FSTL4: variants seen among roughly 807,000 people sequenced by gnomAD.
FSTL4 encodes follistatin-related protein 4.
Under a neutral mutation model 78.2 loss-of-function variants are expected in FSTL4, and 28 were observed. The observed-to-expected ratio is 0.36, with a 90% CI of 0.27 to 0.49. FSTL4 has a LOEUF of 0.49. FSTL4 is among the 20% of genes least tolerant of loss of function. FSTL4 has a pLI of 0.98. For synonymous variants in FSTL4, 422 were observed against 440.5 expected (o/e 0.96, Z 0.53); for missense variants, 922 against 1,084.9 (o/e 0.85, Z 2.11).
At chr5:133,282,021 T>A (rs1440934254) in intron 6 of FSTL4, among the ~76,000 whole-genome samples, 1 of 152,154 alleles carries the variant, frequency 6.6e-6, no homozygotes, top group Non-Finnish European at 1.5e-5. Context: ...CATGAATTCA[T>A]AGAGCACTCA....
intron 4 of FSTL4, among the ~76,000 whole-genome samples, chr5:133,318,470 T>C (rs940570429): frequency 1.4e-4 from 21 of 152,298 alleles, no homozygotes; most frequent in Admixed American, 1.3e-3. Context: ...AATTTTGTCC[T>C]GGCAAATAGA....
At chr5:133,812,891 G>C in the FSTL4 span, among the ~76,000 whole-genome samples, 1 of 152,188 alleles carries the variant, frequency 6.6e-6, no homozygotes, top group Non-Finnish European at 1.5e-5. Context: ...CTATGACCTG[G>C]GGGCTCGGCT....
chr5:133,819,563 C>A, the FSTL4 span, among the ~76,000 whole-genome samples: 1 of 152,170 alleles, frequency 6.6e-6, no homozygotes, highest in South Asian at 2.1e-4. Context: ...TTTGTGTGCT[C>A]TTCACTTGCT....
intron 12 of FSTL4, among the ~76,000 whole-genome samples, chr5:133,218,039 A>G (rs113038635): frequency 6.6e-5 from 10 of 152,292 alleles, no homozygotes; most frequent in African/African-American, 2.4e-4. Context: ...CCTTTAGCCC[A>G]GGCCTCTTCC....
chr5:133,292,526 A>G (rs142587605), intron 6 of FSTL4, among the ~76,000 whole-genome samples: 165 of 151,090 alleles, frequency 1.1e-3, no homozygotes, highest in African/African-American at 3.9e-3. Flanking sequence ...CAGTGGTGCC[A>G]CAGCTAGGCC....
chr5:133,344,786 T>C (rs1232174544), intron 4 of FSTL4, among the ~76,000 whole-genome samples: 2 of 152,220 alleles, frequency 1.3e-5, no homozygotes, highest in East Asian at 1.9e-4. Flanking sequence ...ACCTTCTGAC[T>C]TTCTGTTCTA....
At chr5:133,485,555 C>T (rs1193956231) in intron 3 of FSTL4, among the ~76,000 whole-genome samples, 2 of 152,188 alleles carry the variant, frequency 1.3e-5, no homozygotes, top group African/African-American at 4.8e-5. Flanking sequence ...TCCTTTAAAC[C>T]CACTTTAAGA....
the FSTL4 span, among the ~76,000 whole-genome samples, chr5:133,728,651 C>T: frequency 6.6e-5 from 10 of 151,946 alleles, no homozygotes; most frequent in African/African-American, 1.9e-4. Flanking sequence ...TATGATAGTC[C>T]TCAATGTGGT....
At chr5:133,746,494 G>C in the FSTL4 span, among the ~76,000 whole-genome samples, 2 of 152,120 alleles carry the variant, frequency 1.3e-5, no homozygotes, top group Non-Finnish European at 2.9e-5. Flanking sequence ...ATCTGGAAAA[G>C]TGCTTTCCAG....
In FSTL4 at chr5:133,209,005, A is replaced by G. The variant is rs535119523; in HGVS notation, c.1716+1186T>C. ...ATCTATTGCAGTTTTAAACTGGGAA[A>G]TCTTTTTTGTTCTTTTTCTAGTGGC... On this transcript the variant is annotated intron_variant, in intron 14 of 15. Transcript: ENST00000265342. 3.6e-4 allele frequency among the ~76,000 whole-genome samples: 55 copies of G among 152,254 alleles called. 1 individual carries two copies. In the South Asian group the frequency reaches 0.011, roughly 30 times the overall value.
the FSTL4 span, among the ~76,000 whole-genome samples, chr5:133,826,068 G>A: frequency 6.6e-6 from 1 of 152,214 alleles, no homozygotes; most frequent in African/African-American, 2.4e-5. Flanking sequence ...CTTCTGAGCT[G>A]AGCAAAATCA....
At chr5:133,221,388 TCTTA>T (rs1751097314) in intron 11 of FSTL4, among the ~76,000 whole-genome samples, 1 of 152,038 alleles carries the variant, frequency 6.6e-6, no homozygotes, top group Admixed American at 6.6e-5. Flanking sequence ...GACAGCTTGC[TCTTA>T]CTTCTGTTCC....
chr5:133,705,059 TTTG>T, the FSTL4 span, among the ~76,000 whole-genome samples: 6 of 152,156 alleles, frequency 3.9e-5, no homozygotes, highest in East Asian at 3.8e-4. Context: ...AATATATGTT[TTTG>T]TTGTTGTTGT....
intron 3 of FSTL4, among the ~76,000 whole-genome samples, chr5:133,416,056 C>T (rs929670096): frequency 1.3e-5 from 2 of 152,144 alleles, no homozygotes; most frequent in Admixed American, 6.6e-5. Context: ...AAATAGCTCA[C>T]CACTAAGAAG....
At chr5:133,535,671 T>C (rs2112913287) in intron 3 of FSTL4, among the ~76,000 whole-genome samples, 1 of 152,330 alleles carries the variant, frequency 6.6e-6, no homozygotes, top group East Asian at 1.9e-4. Context: ...TGTGTGTGTG[T>C]CTTTAATTCT....
At chr5:133,586,235 G>C (rs1760516762) in intron 2 of FSTL4, among the ~76,000 whole-genome samples, 2 of 104,150 alleles carry the variant, frequency 1.9e-5, no homozygotes, top group Non-Finnish European at 4.1e-5. Context: ...AGAAAAGCAA[G>C]AGTAAACACA....
intron 3 of FSTL4, among the ~76,000 whole-genome samples, chr5:133,518,930 T>A (rs111510787): frequency 6.6e-6 from 1 of 152,216 alleles, no homozygotes; most frequent in Non-Finnish European, 1.5e-5. Context: ...ATGGAATGCA[T>A]TAAATTAACA....
the FSTL4 span, among the ~76,000 whole-genome samples, chr5:133,739,149 C>A: frequency 1.1e-4 from 17 of 152,090 alleles, no homozygotes; most frequent in Non-Finnish European, 2.2e-4. Flanking sequence ...AATCCAAATT[C>A]CTATTAGACT....
intron 3 of FSTL4, among the ~76,000 whole-genome samples, chr5:133,466,321 T>C (rs1757706029): frequency 6.6e-6 from 1 of 152,152 alleles, no homozygotes; most frequent in Admixed American, 6.5e-5. Context: ...GGCGGGCAGA[T>C]CATGGGGTCA....
Sources: allele counts gnomAD v4.1 joint callset (sites outside exome capture counted in the v4.1 genomes callset), GRCh38; gene constraint gnomAD v4.1.1; transcripts MANE v1.5; gene names NCBI Gene and HGNC (gene_info 2026-07-23, HGNC 2026-07-21).